PGRMC2: variants seen among roughly 807,000 people sequenced by gnomAD.
PGRMC2 encodes membrane-associated progesterone receptor component 2.
In PGRMC2, 9 loss-of-function variants were observed where a neutral mutation model predicts 19.3. The ratio of observed to expected loss-of-function variants is 0.47; its 90% CI spans 0.28 to 0.81. The LOEUF (loss-of-function observed/expected upper bound fraction) is 0.81, where lower values mean the gene tolerates loss of function less well. PGRMC2 is among the 40% of genes least tolerant of loss of function. PGRMC2 has a pLI of 0.11. For synonymous variants in PGRMC2, 157 were observed against 124.6 expected, an observed-to-expected ratio of 1.26 and a Z score of -1.73; for missense variants, 289 against 297.3, an observed-to-expected ratio of 0.97 and a Z score of 0.21.
chr4:128,280,938 C>A (rs1053499408), intron 1 of PGRMC2, among the ~76,000 whole-genome samples: 1 of 151,966 alleles, frequency 6.6e-6, no homozygotes, highest in Non-Finnish European at 1.5e-5. Flanking sequence ...AACTATTATT[C>A]CTGAGTGAGG....
Position 128,287,570 on chromosome 4 carries a change from C to A in PGRMC2, c.221G>T (p.Arg74Leu), listed in dbSNP as rs1253815689. The change falls in exon 1 of 3, where the codon CGC becomes CTC. Residue 74 changes from arginine to leucine, a missense_variant. Transcript: ENST00000296425. ...GGCCCCCAGACCCCGCCGCCCCCAG[C>A]GCACCCACAGCCGGTAGGCCCCCAG... The part of the protein sequence containing the change: ...VLLGAYRLWV[R>L]WGRRGLGAGA... 3.9e-6 allele frequency: 6 copies of A among 1,526,748 alleles called. No individual in the cohort carries two copies. Among genetic ancestry groups the A allele is most frequent in the Non-Finnish European group, 5.3e-6 (6 of 1,135,900 alleles). The allele number at this position is 1,526,748 out of a possible 1,614,324, so 94.6% of individuals were successfully genotyped here. A position where few individuals can be genotyped will look rare whatever the true frequency, so the allele number is the denominator to read the frequency against.
chr4:128,286,874 G>GT, intron 1 of PGRMC2: 1 of 336,712 alleles, frequency 3.0e-6, no homozygotes, highest in East Asian at 4.1e-5. Flanking sequence ...AAGGAGATCA[G>GT]TGGCAAAAAA....
intron 1 of PGRMC2, among the ~76,000 whole-genome samples, chr4:128,285,135 A>AT (rs202052009): frequency 2.6e-5 from 4 of 151,246 alleles, no homozygotes; most frequent in African/African-American, 4.9e-5. Flanking sequence ...TTAATTTTTA[A>AT]TTTTTTTTTA....
intron 1 of PGRMC2, among the ~76,000 whole-genome samples, chr4:128,286,233 T>G (rs1760981614): frequency 2.0e-5 from 3 of 152,026 alleles, no homozygotes; most frequent in Non-Finnish European, 1.5e-5. Context: ...TCTAATTTAA[T>G]TATTTATTCT....
intron 1 of PGRMC2, among the ~76,000 whole-genome samples, chr4:128,280,409 G>A (rs1327318140): frequency 6.8e-6 from 1 of 147,340 alleles, no homozygotes; most frequent in Non-Finnish European, 1.5e-5. Flanking sequence ...GTAGAGTTTG[G>A]TACATGGTAA....
intron 1 of PGRMC2, chr4:128,286,704 C>T (rs1760988272): frequency 2.5e-6 from 1 of 398,484 alleles, no homozygotes; most frequent in African/African-American, 2.1e-5. Context: ...GGTCTGTTCT[C>T]ATCCCACATA....
chr4:128,279,355 C>A (rs1760869356), intron 1 of PGRMC2, among the ~76,000 whole-genome samples: 1 of 152,094 alleles, frequency 6.6e-6, no homozygotes, highest in African/African-American at 2.4e-5. Flanking sequence ...TATTGAGATA[C>A]CATTTTAACC....
chr4:128,287,324 T>C (rs1760999162), intron 1 of PGRMC2, 49 bp downstream of exon 1: 3 of 1,549,782 alleles, frequency 1.9e-6, no homozygotes, highest in Admixed American at 1.8e-5. Flanking sequence ...CCGAAGGGGG[T>C]TGTGCTTCAG....
chr4:128,277,209 G>A (rs2110560635), intron 1 of PGRMC2, among the ~76,000 whole-genome samples: 1 of 152,050 alleles, frequency 6.6e-6, no homozygotes, highest in African/African-American at 2.4e-5. Flanking sequence ...CCAACATGAA[G>A]TACTATACTA....
chr4:128,274,515 GAAAAAAAA>G (rs34809072), intron 1 of PGRMC2, among the ~76,000 whole-genome samples: 1 of 52,900 alleles, frequency 1.9e-5, no homozygotes, highest in African/African-American at 7.9e-5. Context: ...CTTCTCCAAA[GAAAAAAAA>G]AAAAAAAAAA....
chr4:128,270,998 AAAG>A lies in PGRMC2; in HGVS notation c.*315_*317del. ...ATATATTTTAAAAAGAAAGAAAGAG[AAAG>A]AAGAAAGGAAAGAAGGAAAAAAGGA... On this transcript the variant is annotated 3_prime_UTR_variant, in exon 3 of 3. Transcript: ENST00000296425. 5.2e-6 allele frequency: 1 copy of A among 191,856 alleles called. No individual in the cohort carries two copies. The highest frequency in any genetic ancestry group is 1.1e-5 in the Non-Finnish European group (1 of 94,398). 11.9% of individuals were successfully genotyped at this position (191,856 alleles called of 1,614,324 possible).
chr4:128,286,332 C>G (rs1760983502), intron 1 of PGRMC2, among the ~76,000 whole-genome samples: 1 of 152,032 alleles, frequency 6.6e-6, no homozygotes, highest in South Asian at 2.1e-4. Flanking sequence ...GATATACCAA[C>G]AGGTTCCATG....
At chr4:128,277,235 T>C (rs1760827712) in intron 1 of PGRMC2, among the ~76,000 whole-genome samples, 1 of 152,196 alleles carries the variant, frequency 6.6e-6, no homozygotes. Context: ...AATTCAGATT[T>C]CATTTAGTTT....
At chr4:128,286,724 T>C (rs1760988514) in intron 1 of PGRMC2, 1 of 398,578 alleles carries the variant, frequency 2.5e-6, no homozygotes, top group East Asian at 3.6e-5. Context: ...ACCTTGTTAA[T>C]CATGGAAAGC....
intron 1 of PGRMC2, among the ~76,000 whole-genome samples, chr4:128,273,428 T>C (rs985187509): frequency 6.6e-6 from 1 of 152,188 alleles, no homozygotes; most frequent in Non-Finnish European, 1.5e-5. Flanking sequence ...TGCCTAGCAC[T>C]GTGCCTGGCA....
In PGRMC2 at chr4:128,272,402, T is replaced by C. The variant is rs764257160; in HGVS notation, c.534A>G (p.Val178=). The change falls in exon 2 of 3, where the codon GTA becomes GTG. Residue 178 remains valine (V), a synonymous_variant. Coordinates refer to ENST00000296425, the MANE Select transcript of PGRMC2 (RefSeq NM_006320.6). ...EYDDLSDLNA[V]QMESVREWEM... is the part of the protein sequence containing the mutation. Reference sequence around the variant, plus strand: ...CCCATTCTCGAACACTCTCCATTTGTACTGCATTCAAATCTGAGAGATCAT... The same window carrying C: ...CCCATTCTCGAACACTCTCCATTTGCACTGCATTCAAATCTGAGAGATCAT... The C allele has an allele frequency of 3.2e-6, 5 of 1,575,902 alleles. No homozygotes were observed. Among genetic ancestry groups the C allele is most frequent in the South Asian group, 1.2e-5 (1 of 84,024 alleles).
Position 128,287,770 on chromosome 4 carries a change from G to T in PGRMC2, c.21C>A (p.Asp7Glu). 2 of 1,474,214 alleles carry T rather than the reference G, an allele frequency of 1.4e-6. No individual in the cohort carries two copies. The highest frequency in any genetic ancestry group is 1.9e-6 in the Non-Finnish European group (2 of 1,075,708). 91.3% of individuals were successfully genotyped at this position (1,474,214 alleles called of 1,614,324 possible). A position where few individuals can be genotyped will look rare whatever the true frequency, so the allele number is the denominator to read the frequency against. The change falls in exon 1 of 3, where the codon GAC (aspartate) becomes GAA (glutamate). Residue 7 changes from aspartate to glutamate, a missense_variant. By Grantham distance (45) the Asp-to-Glu change is conservative. Transcript: ENST00000296425. MAAGDG[D>E]VKLGTLGSGS... Reference sequence around the variant, plus strand: ...CACTCCCCAGGGTGCCTAGCTTCACGTCCCCATCACCAGCCGCCATCACTG... The same window carrying T: ...CACTCCCCAGGGTGCCTAGCTTCACTTCCCCATCACCAGCCGCCATCACTG...
intron 1 of PGRMC2, among the ~76,000 whole-genome samples, chr4:128,285,322 T>C (rs114715821): frequency 0.011 from 1,619 of 152,100 alleles, 20 homozygotes; most frequent in Non-Finnish European, 0.015. Context: ...AGAGACGAGG[T>C]TTTGTTATAT....
At chr4:128,274,704 A>G (rs1361229407) in intron 1 of PGRMC2, among the ~76,000 whole-genome samples, 1 of 152,116 alleles carries the variant, frequency 6.6e-6, no homozygotes, top group Non-Finnish European at 1.5e-5. Flanking sequence ...AAAAATCTAT[A>G]AACATTATAT....
Sources: allele counts gnomAD v4.1 joint callset (sites outside exome capture counted in the v4.1 genomes callset), GRCh38; gene constraint gnomAD v4.1.1; transcripts MANE v1.5; gene names NCBI Gene and HGNC (gene_info 2026-07-23, HGNC 2026-07-21).